Variants in HMGCS2 observed in about 807,000 individuals in gnomAD.
HMGCS2 encodes the protein 3-hydroxy-3-methylglutaryl-CoA synthase 2.
A neutral mutation model predicts 57.4 loss-of-function variants in HMGCS2; 50 were observed. The observed-to-expected ratio is 0.87, with a 90% CI of 0.69 to 1.10. The LOEUF is 1.10. HMGCS2 is among the 50% of genes least tolerant of loss of function. The pLI is 0.00. For synonymous variants in HMGCS2, 254 were observed against 245.1 expected, an observed-to-expected ratio of 1.04 and a Z score of -0.34; for missense variants, 627 against 636.5, an observed-to-expected ratio of 0.99 and a Z score of 0.16.
At chr1:119,766,598 C>G (rs1395958360) in intron 1 of HMGCS2, among the ~76,000 whole-genome samples, 1 of 152,198 alleles carries the variant, frequency 6.6e-6, no homozygotes, top group African/African-American at 2.4e-5. Context: ...TGACTCCCTC[C>G]AAATAACTGG....
At chr1:119,759,558 C>G (rs587653314) in intron 3 of HMGCS2, 1 of 576,570 alleles carries the variant, frequency 1.7e-6, no homozygotes, top group South Asian at 2.0e-5. Context: ...CACTTTATAT[C>G]CAGTTATATA....
At chr1:119,760,615 C>T (rs908736878) in intron 2 of HMGCS2, among the ~76,000 whole-genome samples, 42 of 152,084 alleles carry the variant, frequency 2.8e-4, no homozygotes, top group African/African-American at 3.4e-4. Context: ...GTAAATGATC[C>T]GTAGTCACTA....
rs1652533119 is a variant in HMGCS2, at chr1:119,748,543, A to C, written c.*304T>G. ...ATCTTGAAGGCAACAGCTGATCTGC[A>C]TGCACATTTCTGGAGTCCAGTGATT... On this transcript the variant is annotated 3_prime_UTR_variant, in exon 10 of 10. Coordinates refer to ENST00000369406, the MANE Select transcript of HMGCS2 (RefSeq NM_005518.4). 6.6e-6 allele frequency: 1 copy of C among 152,266 alleles called. No homozygotes were observed. Among genetic ancestry groups the C allele is most frequent in the Non-Finnish European group, 1.5e-5 (1 of 68,076 alleles). The allele number at this position is 152,266 out of a possible 1,614,324, so 9.4% of individuals were successfully genotyped here.
rs1233823310 is a variant in HMGCS2, at chr1:119,753,405, AAT to A, written c.1188-21_1188-20del. ...AGAGTGGCTGTGGGGAAAGAAATCAAATAAAACACACACACACACACACACAC... is the reference window on the plus strand; with the variant it reads ...AGAGTGGCTGTGGGGAAAGAAATCAAAAAACACACACACACACACACACAC... On this transcript the variant is annotated intron_variant, in intron 6 of 9. Coordinates refer to ENST00000369406, the MANE Select transcript of HMGCS2 (RefSeq NM_005518.4). 9.8e-7 allele frequency: 1 copy of A among 1,016,196 alleles called. No homozygotes were observed. The highest frequency in any genetic ancestry group is 1.5e-6 in the Non-Finnish European group (1 of 646,890). The allele number at this position is 1,016,196 out of a possible 1,614,324, so 62.9% of individuals were successfully genotyped here. A position where few individuals can be genotyped will look rare whatever the true frequency, so the allele number is the denominator to read the frequency against.
chr1:119,753,011 C>T (rs587620112), intron 7 of HMGCS2, among the ~76,000 whole-genome samples: 50 of 152,274 alleles, frequency 3.3e-4, no homozygotes, highest in Middle Eastern at 6.8e-3. Flanking sequence ...TACCTCTTGC[C>T]TGAACTAGTT....
intron 5 of HMGCS2, among the ~76,000 whole-genome samples, chr1:119,756,185 T>C (rs907864705): frequency 6.6e-6 from 1 of 152,220 alleles, no homozygotes; most frequent in Non-Finnish European, 1.5e-5. Flanking sequence ...GCTTGACAAT[T>C]CTGGGTATTC....
intron 3 of HMGCS2, 31 bp downstream of exon 3, chr1:119,759,833 C>T (rs748340809): frequency 2.5e-6 from 4 of 1,613,198 alleles, no homozygotes; most frequent in Admixed American, 1.7e-5. Context: ...CTATGCCATG[C>T]ACAGCCTCTT....
chr1:119,758,744 C>T (rs1045962534), intron 4 of HMGCS2, among the ~76,000 whole-genome samples: 1 of 152,088 alleles, frequency 6.6e-6, no homozygotes, highest in East Asian at 1.9e-4. Context: ...GATGGTAAAC[C>T]ACAAACCAAG....
rs372095379 is a variant in HMGCS2 at position 119,759,177 on chromosome 1, C to T, written c.791G>A (p.Arg264Gln). The T allele has an allele frequency of 3.0e-5, 48 of 1,614,032 alleles. No homozygotes were observed. The East Asian group carries it at 7.1e-4, about 24-fold the overall frequency. ...DGKLSIQCYLRALDRCYTSYR... is the reference protein window; with the variant it reads ...DGKLSIQCYLQALDRCYTSYR... ...TGATGTGTAACATCGATCCAAGGCC[C>T]GCAAGTAGCACTGGATGGAAAGCTT... The change falls in exon 4 of 10, where the codon CGG (arginine) becomes CAG (glutamine). Residue 264 changes from arginine to glutamine, a missense_variant. Coordinates refer to ENST00000369406, the MANE Select transcript of HMGCS2 (RefSeq NM_005518.4).
At chr1:119,749,391 TC>T (rs748971946) in intron 9 of HMGCS2, among the ~76,000 whole-genome samples, 153 of 129,742 alleles carry the variant, frequency 1.2e-3, no homozygotes, top group Non-Finnish European at 1.7e-3. Context: ...TCTCTCCCTT[TC>T]CCCCCTCCCT....
chr1:119,750,946 TTA>T (rs777817769), intron 8 of HMGCS2, 38 bp from the exon 9 acceptor site: 2 of 1,224,448 alleles, frequency 1.6e-6, no homozygotes, highest in African/African-American at 3.0e-5. Context: ...TCACAAAGAG[TTA>T]TATGAGTTTT....
At chr1:119,754,338 T>A (rs1346955692) in intron 6 of HMGCS2, among the ~76,000 whole-genome samples, 1 of 152,150 alleles carries the variant, frequency 6.6e-6, no homozygotes, top group East Asian at 1.9e-4. Flanking sequence ...ATTACAGGCA[T>A]GAGCCACCGT....
chr1:119,749,889 C>G (rs985005937), intron 9 of HMGCS2, among the ~76,000 whole-genome samples: 3 of 152,134 alleles, frequency 2.0e-5, no homozygotes, highest in African/African-American at 7.2e-5. Context: ...AAATAAATCT[C>G]TTCTCACTCT....
At position 119,755,502 on chromosome 1, in the gene HMGCS2, G is replaced by C. The variant is rs762536796; in HGVS notation, c.1112C>G (p.Ser371Cys). ...QDMFDKKTKA[S>C]LYLSTHNGNM... is the part of the protein sequence containing the mutation. ...CCCATTGTGAGTGGAGAGGTAAAGG[G>C]AAGCCTTGGTTTTCTTGTCGAACAT... Residue 371 changes from serine to cysteine, a missense_variant, in exon 6 of 10, where the codon TCC becomes TGC. Transcript: ENST00000369406. 21 of 1,614,042 alleles carry C rather than the reference G, an allele frequency of 1.3e-5. No homozygotes were observed. The Admixed American group carries it at 3.3e-4, about 26-fold the overall frequency.
rs746145498 is a variant in HMGCS2, at chr1:119,755,560, G to A, written c.1054C>T (p.Leu352=). ...GAGGCCTTTAGAAGTGCTTTATCCA[G>A]GTCCTTGTTGGTGTAGGTGTCTTCC... is the stretch of plus-strand genomic sequence containing the variant. ...KLEDTYTNKD[L]DKALLKASQD... The change falls in exon 6 of 10, where the codon CTG becomes TTG. Residue 352 remains leucine, a synonymous_variant. Coordinates refer to ENST00000369406, the MANE Select transcript of HMGCS2 (RefSeq NM_005518.4). 1 of 1,614,114 alleles carries A rather than the reference G, an allele frequency of 6.2e-7. No individual in the cohort carries two copies. The highest frequency in any genetic ancestry group is 1.7e-5 in the Admixed American group (1 of 60,014).
intron 9 of HMGCS2, 109 bp downstream of exon 9, chr1:119,750,687 TC>T (rs1652624741): frequency 2.7e-6 from 2 of 731,696 alleles, no homozygotes; most frequent in South Asian, 3.0e-5. Flanking sequence ...CCAATCCTCT[TC>T]CATTAAACTT....
chr1:119,762,680 A>G (rs1653088371), intron 2 of HMGCS2, among the ~76,000 whole-genome samples: 1 of 152,190 alleles, frequency 6.6e-6, no homozygotes, highest in Non-Finnish European at 1.5e-5. Context: ...CCTGCAGGGT[A>G]TGTAGTCCGA....
At chr1:119,754,092 T>C (rs587647423) in intron 6 of HMGCS2, among the ~76,000 whole-genome samples, 18 of 150,842 alleles carry the variant, frequency 1.2e-4, no homozygotes, top group Non-Finnish European at 1.6e-4. Flanking sequence ...AGTCTCACTC[T>C]GTCACCCAAG....
At chr1:119,759,753 C>A in intron 3 of HMGCS2, 111 bp downstream of exon 3, 2 of 1,337,356 alleles carry the variant, frequency 1.5e-6, no homozygotes, top group Non-Finnish European at 2.1e-6. Context: ...CAAGCAATAC[C>A]ATCCTCAAAC....
Sources: allele counts gnomAD v4.1 joint callset (sites outside exome capture counted in the v4.1 genomes callset), GRCh38; gene constraint gnomAD v4.1.1; transcripts MANE v1.5; gene names NCBI Gene and HGNC (gene_info 2026-07-23, HGNC 2026-07-21).